The following CDNF variants were observed in gnomAD, a reference collection of about 807,000 sequenced individuals.
The protein encoded by CDNF is cerebral dopamine neurotrophic factor, also known as ARMET-like protein 1.
Under a neutral mutation model 14.8 loss-of-function variants are expected in CDNF, and 9 were observed. The ratio of observed to expected loss-of-function variants is 0.61; its 90% CI spans 0.37 to 1.06. The LOEUF (loss-of-function observed/expected upper bound fraction) is 1.06. Ranked by LOEUF, CDNF falls within the 50% of genes least tolerant of loss-of-function variation. CDNF has a pLI of 0.01. For missense variants in CDNF, 228 were observed against 228.4 expected (o/e 1.00, Z 0.01); for synonymous variants, 86 against 87.2 (o/e 0.99, Z 0.07).
chr10:14,836,749 T>A (rs1833891683), intron 1 of CDNF, among the ~76,000 whole-genome samples: 1 of 152,104 alleles, frequency 6.6e-6, no homozygotes, highest in African/African-American at 2.4e-5. Context: ...CTGGCCAACA[T>A]GGTGAAACTG....
At chr10:14,830,564 G>A (rs891032555) in intron 1 of CDNF, among the ~76,000 whole-genome samples, 9 of 152,168 alleles carry the variant, frequency 5.9e-5, no homozygotes, top group African/African-American at 2.2e-4. Flanking sequence ...CACATTTGCT[G>A]GCTGGGCACG....
intron 1 of CDNF, among the ~76,000 whole-genome samples, chr10:14,832,613 G>C (rs539067528): frequency 1.3e-5 from 2 of 152,210 alleles, no homozygotes; most frequent in African/African-American, 4.8e-5. Context: ...CAGGGCAGTA[G>C]CTACAGCAGT....
At chr10:14,826,140 AAGGAGAAGG>A (rs1833787115) in intron 2 of CDNF, among the ~76,000 whole-genome samples, 1 of 144,812 alleles carries the variant, frequency 6.9e-6, no homozygotes, top group African/African-American at 2.7e-5. Flanking sequence ...GGAGAAGGAG[AAGGAGAAGG>A]AGAAGAAGAA....
rs1385093947 is a variant in CDNF, at chr10:14,819,708, C to A, written c.*272G>T. The A allele has an allele frequency of 9.9e-6, 3 of 302,226 alleles. No individual in the cohort carries two copies. Among genetic ancestry groups the A allele is most frequent in the Non-Finnish European group, 1.8e-5 (3 of 165,354 alleles). The allele number at this position is 302,226 out of a possible 1,614,324, so 18.7% of individuals were successfully genotyped here. A position where few individuals can be genotyped will look rare whatever the true frequency, so the allele number is the denominator to read the frequency against. ...ACTCCATCAATTTGTCAGTAGGTCA[C>A]TTTTAGGAGACAGGCAATGAAAACT... On this transcript the variant is annotated 3_prime_UTR_variant, in exon 4 of 4. Transcript: ENST00000465530.
At chr10:14,827,652 G>A (rs182900269) in intron 2 of CDNF, among the ~76,000 whole-genome samples, 1 of 152,206 alleles carries the variant, frequency 6.6e-6, no homozygotes, top group Admixed American at 6.5e-5. Flanking sequence ...CAGCACTTTG[G>A]GAGGCTGAGG....
At chr10:14,834,670 T>A (rs1414969436) in intron 1 of CDNF, among the ~76,000 whole-genome samples, 1 of 152,172 alleles carries the variant, frequency 6.6e-6, no homozygotes, top group Non-Finnish European at 1.5e-5. Context: ...TGGTAGCTGC[T>A]GGACATGAGG....
Position 14,819,898 on chromosome 10 carries a change from G to T in CDNF, c.*82C>A. On this transcript the variant is annotated 3_prime_UTR_variant, in exon 4 of 4. Coordinates refer to ENST00000465530, the MANE Select transcript of CDNF (RefSeq NM_001029954.3). ...TGAGACCAAATATGATGCATTCCCA[G>T]TTATCCTTAATCAACATGTCCATAT... 7.4e-7 allele frequency: 1 copy of T among 1,354,116 alleles called. No individual in the cohort carries two copies. Among genetic ancestry groups the T allele is most frequent in the Non-Finnish European group, 1.0e-6 (1 of 987,106 alleles). 83.9% of individuals were successfully genotyped at this position (1,354,116 alleles called of 1,614,324 possible).
chr10:14,836,589 AG>A, intron 1 of CDNF, among the ~76,000 whole-genome samples: 1 of 152,362 alleles, frequency 6.6e-6, no homozygotes, highest in Admixed American at 6.5e-5. Context: ...AAATTTCTGG[AG>A]AAAAGTTTAA....
chr10:14,828,526 A>G (rs779259487), intron 1 of CDNF, among the ~76,000 whole-genome samples: 28 of 152,126 alleles, frequency 1.8e-4, no homozygotes, highest in Admixed American at 3.9e-4. Flanking sequence ...GCGTGCCTAT[A>G]GTCCCAGCTA....
intron 3 of CDNF, among the ~76,000 whole-genome samples, chr10:14,821,952 T>A (rs1365553787): frequency 6.6e-6 from 1 of 152,184 alleles, no homozygotes; most frequent in African/African-American, 2.4e-5. Flanking sequence ...GCAAAGCAAA[T>A]GAGCACATAC....
At chr10:14,831,580 A>ATT (rs1260296987) in intron 1 of CDNF, among the ~76,000 whole-genome samples, 1 of 150,526 alleles carries the variant, frequency 6.6e-6, no homozygotes, top group East Asian at 2.0e-4. Context: ...ATATATATAT[A>ATT]TATTTTTTTT....
At chr10:14,832,922 C>A (rs909451157) in intron 1 of CDNF, among the ~76,000 whole-genome samples, 1 of 141,306 alleles carries the variant, frequency 7.1e-6, no homozygotes, top group Non-Finnish European at 1.5e-5. Flanking sequence ...TGCAGCGGTG[C>A]CATTTCGGCT....
At chr10:14,820,608 C>T (rs1033338617) in intron 3 of CDNF, among the ~76,000 whole-genome samples, 4 of 151,950 alleles carry the variant, frequency 2.6e-5, no homozygotes, top group African/African-American at 9.7e-5. Context: ...GGTGGCATGC[C>T]TGTAATCCCA....
At chr10:14,826,810 A>T (rs1317492122) in intron 2 of CDNF, among the ~76,000 whole-genome samples, 3 of 152,210 alleles carry the variant, frequency 2.0e-5, no homozygotes, top group Non-Finnish European at 4.4e-5. Context: ...CAGATCTAGC[A>T]ATAGAAGAGA....
chr10:14,827,446 G>A (rs1833808512), intron 2 of CDNF, among the ~76,000 whole-genome samples: 1 of 151,718 alleles, frequency 6.6e-6, no homozygotes, highest in Non-Finnish European at 1.5e-5. Context: ...GTGATTAGAA[G>A]AAAATATAAA....
intron 1 of CDNF, among the ~76,000 whole-genome samples, chr10:14,832,060 G>C (rs1052487939): frequency 7.2e-5 from 11 of 152,136 alleles, no homozygotes; most frequent in Admixed American, 1.3e-4. Context: ...TAGAAGTAAA[G>C]GTATACGTAG....
intron 1 of CDNF, among the ~76,000 whole-genome samples, chr10:14,836,799 G>A (rs1443266828): frequency 6.6e-6 from 1 of 152,128 alleles, no homozygotes; most frequent in Non-Finnish European, 1.5e-5. Context: ...AGGCGTGGTG[G>A]TGGTGCCTTT....
At chr10:14,829,111 G>GT (rs1249031893) in intron 1 of CDNF, among the ~76,000 whole-genome samples, 1 of 152,208 alleles carries the variant, frequency 6.6e-6, no homozygotes, top group Non-Finnish European at 1.5e-5. Flanking sequence ...TGGACACATT[G>GT]TAACAGCATA....
intron 2 of CDNF, among the ~76,000 whole-genome samples, chr10:14,826,750 A>G (rs1408075703): frequency 6.6e-6 from 1 of 152,206 alleles, no homozygotes; most frequent in African/African-American, 2.4e-5. Flanking sequence ...ATCCTGTGAA[A>G]TAAGTACTAT....
Sources: allele counts gnomAD v4.1 joint callset (sites outside exome capture counted in the v4.1 genomes callset), GRCh38; gene constraint gnomAD v4.1.1; transcripts MANE v1.5; gene names NCBI Gene and HGNC (gene_info 2026-07-23, HGNC 2026-07-21).